Variants in VPS8 observed in about 807,000 individuals in gnomAD.
VPS8 encodes vacuolar protein sorting-associated protein 8 homolog.
In VPS8, 129 loss-of-function variants were observed where a neutral mutation model predicts 216.4. That is an observed-to-expected ratio of 0.60 (90% confidence interval 0.52 to 0.69). The LOEUF (loss-of-function observed/expected upper bound fraction) is 0.69. VPS8 is among the 30% of genes least tolerant of loss of function. VPS8 has a pLI of 0.00. For missense variants in VPS8, 1,531 were observed against 1,683.5 expected, an observed-to-expected ratio of 0.91 and a Z score of 1.59; for synonymous variants, 571 against 565.4, an observed-to-expected ratio of 1.01 and a Z score of -0.14.
At chr3:184,868,829 T>C (rs966788288) in intron 18 of VPS8, 117 bp from the exon 19 acceptor site, 1 of 748,996 alleles carries the variant, frequency 1.3e-6, no homozygotes, top group Admixed American at 2.8e-5. Flanking sequence ...CACATAATTA[T>C]TAAAATAATT....
chr3:184,860,299 C>T (rs1372914263), intron 15 of VPS8, among the ~76,000 whole-genome samples: 1 of 151,074 alleles, frequency 6.6e-6, no homozygotes, highest in African/African-American at 2.4e-5. Flanking sequence ...GCTCCTGTGA[C>T]TAGTCACTGC....
At chr3:184,895,972 T>G (rs924851602) in intron 23 of VPS8, among the ~76,000 whole-genome samples, 1 of 151,962 alleles carries the variant, frequency 6.6e-6, no homozygotes, top group African/African-American at 2.4e-5. Flanking sequence ...GTCCTAATAA[T>G]GAGCATGTTA....
chr3:185,018,765 T>TG (rs1215224021), intron 45 of VPS8, among the ~76,000 whole-genome samples: 2 of 152,300 alleles, frequency 1.3e-5, no homozygotes, highest in African/African-American at 2.4e-5. Flanking sequence ...CCTGTTAATC[T>TG]GGGGGGTGTA....
At chr3:185,014,554 T>C (rs1174361110) in intron 45 of VPS8, among the ~76,000 whole-genome samples, 4 of 152,236 alleles carry the variant, frequency 2.6e-5, no homozygotes, top group Non-Finnish European at 4.4e-5. Flanking sequence ...AAACCAGTTA[T>C]TCTGCTTCTG....
At chr3:184,833,270 A>G (rs181185613) in intron 4 of VPS8, among the ~76,000 whole-genome samples, 1 of 152,326 alleles carries the variant, frequency 6.6e-6, no homozygotes. Context: ...CTAACCCTAA[A>G]TAACTTAAAT....
At chr3:184,838,990 T>C (rs1411878361) in intron 6 of VPS8, 1 of 395,688 alleles carries the variant, frequency 2.5e-6, no homozygotes, top group East Asian at 4.5e-5. Flanking sequence ...CTTCTCCAGG[T>C]TTATTTGTTT....
chr3:184,895,070 G>T, intron 23 of VPS8, 145 bp downstream of exon 23: 1 of 678,782 alleles, frequency 1.5e-6, no homozygotes, highest in South Asian at 2.1e-5. Context: ...TTATAAACTT[G>T]TATTTGTCAA....
intron 1 of VPS8, among the ~76,000 whole-genome samples, chr3:184,823,319 G>A (rs563206473): frequency 2.2e-4 from 33 of 152,322 alleles, no homozygotes; most frequent in African/African-American, 6.5e-4. Flanking sequence ...TGGAGGCCAC[G>A]TTGACAATAT....
intron 37 of VPS8, among the ~76,000 whole-genome samples, chr3:184,963,496 T>TA (rs1746885255): frequency 6.6e-6 from 1 of 152,154 alleles, no homozygotes; most frequent in Non-Finnish European, 1.5e-5. Flanking sequence ...TTTAAAATGT[T>TA]ACTGATTTTT....
intron 45 of VPS8, among the ~76,000 whole-genome samples, chr3:185,011,124 A>AC (rs1754961742): frequency 6.6e-6 from 1 of 151,918 alleles, no homozygotes; most frequent in African/African-American, 2.4e-5. Context: ...AAAAAAAAAA[A>AC]AACTTTAAAG....
intron 5 of VPS8, among the ~76,000 whole-genome samples, chr3:184,835,617 A>G (rs1720893999): frequency 6.6e-6 from 1 of 152,186 alleles, no homozygotes; most frequent in Non-Finnish European, 1.5e-5. Flanking sequence ...TTTATACTCC[A>G]GGAAGTTTAA....
intron 36 of VPS8, among the ~76,000 whole-genome samples, chr3:184,947,336 A>G (rs1021827888): frequency 1.3e-5 from 2 of 152,146 alleles, no homozygotes; most frequent in Non-Finnish European, 2.9e-5. Flanking sequence ...TTCACATATT[A>G]AAAGCTAGGT....
At chr3:184,996,192 A>G in intron 43 of VPS8, 140 bp from the exon 44 acceptor site, 1 of 1,021,582 alleles carries the variant, frequency 9.8e-7, no homozygotes, top group Non-Finnish European at 1.4e-6. Flanking sequence ...TTGTTTCAAC[A>G]ATGTTATCCC....
Position 184,913,665 on chromosome 3 carries a change from G to A in VPS8, c.2189+104G>A, listed in dbSNP as rs994699258. 8 of 947,884 alleles carry A rather than the reference G, an allele frequency of 8.4e-6. No individual in the cohort carries two copies. In the Middle Eastern group the frequency reaches 1.4e-3, roughly 163 times the overall value. 58.7% of individuals were successfully genotyped at this position (947,884 alleles called of 1,614,324 possible). On this transcript the variant is annotated intron_variant, in intron 26 of 47. Coordinates refer to ENST00000625842, the MANE Select transcript of VPS8 (RefSeq NM_001009921.3). ...TTATCTATATAGTACTTTTAATTTT[G>A]CACAATTCTTTTATGTAGAGCAGTG...
chr3:184,928,493 G>C lies in VPS8; in HGVS notation c.2674G>C (p.Glu892Gln). 6.5e-7 allele frequency: 1 copy of C among 1,535,302 alleles called. No homozygotes were observed. The highest frequency in any genetic ancestry group is 1.3e-5 in the South Asian group (1 of 75,004). ...GCAGGCTGGAGGCATAGTTCAATTTGAAGAGAGTCGACTCATCCGGATGGC... is the reference window on the plus strand; with the variant it reads ...GCAGGCTGGAGGCATAGTTCAATTTCAAGAGAGTCGACTCATCCGGATGGC... ...LLQAGGIVQF[E>Q]ESRLIRMAEK... Residue 892 changes from glutamate (E) to glutamine (Q), a missense_variant, in exon 32 of 48, where the codon GAA becomes CAA. This residue lies in a region of VPS8 where 1,318 missense variants were observed against 1,468.4 expected (regional missense o/e 0.90). Transcript: ENST00000625842.
intron 37 of VPS8, among the ~76,000 whole-genome samples, chr3:184,963,638 C>T (rs1183333699): frequency 6.6e-6 from 1 of 151,936 alleles, no homozygotes; most frequent in African/African-American, 2.4e-5. Flanking sequence ...TATTGGATGT[C>T]TAGGATCTCT....
intron 1 of VPS8, among the ~76,000 whole-genome samples, chr3:184,822,858 CAA>C (rs1399172595): frequency 6.6e-6 from 1 of 152,148 alleles, no homozygotes; most frequent in Non-Finnish European, 1.5e-5. Context: ...TGTTGCCAGG[CAA>C]AGAGTGGCCT....
chr3:184,897,930 C>T (rs930232051), intron 23 of VPS8, among the ~76,000 whole-genome samples: 28 of 152,096 alleles, frequency 1.8e-4, no homozygotes, highest in Non-Finnish European at 3.1e-4. Context: ...ACTCTTGCTT[C>T]TTCCTACAGA....
At chr3:185,017,347 T>C (rs1755951846) in intron 45 of VPS8, among the ~76,000 whole-genome samples, 1 of 152,176 alleles carries the variant, frequency 6.6e-6, no homozygotes, top group Non-Finnish European at 1.5e-5. Flanking sequence ...TTAAATTTCT[T>C]TCCCTGAATA....
Sources: gnomAD v4.1 joint callset for allele counts (sites outside exome capture counted in the v4.1 genomes callset) on GRCh38, gnomAD v4.1.1 for gene constraint, gnomAD v4.1.1 regional missense constraint, MANE v1.5 for transcripts, NCBI Gene and HGNC (gene_info 2026-07-23, HGNC 2026-07-21) for gene names.